The following FAM171B variants were observed in gnomAD, a reference collection of about 807,000 sequenced individuals.
FAM171B encodes protein FAM171B.
Under a neutral mutation model 75.6 loss-of-function variants are expected in FAM171B, and 19 were observed. The observed-to-expected ratio is 0.25, with a 90% CI of 0.18 to 0.37. The LOEUF is 0.37. FAM171B is among the 10% of genes least tolerant of loss of function. The probability of loss-of-function intolerance (pLI) is 1.00; values close to 1 mark genes in which losing one functional copy is unlikely to be tolerated. For missense variants in FAM171B, 848 were observed against 982.4 expected, an observed-to-expected ratio of 0.86 and a Z score of 1.83; for synonymous variants, 367 against 361.7, an observed-to-expected ratio of 1.01 and a Z score of -0.17.
In FAM171B at chr2:186,753,940, G is replaced by T; in HGVS notation, c.903G>T (p.Trp301Cys). ...TTTTACATACCTTTTTAGGTGCTTGGGTAAATCATGGTCGGGGAATGGTCA... is the reference window on the plus strand; with the variant it reads ...TTTTACATACCTTTTTAGGTGCTTGTGTAAATCATGGTCGGGGAATGGTCA... ...AWTFDMNTGA[W>C]VNHGRGMVKE... The change falls in exon 6 of 8, where the codon TGG becomes TGT. Residue 301 changes from tryptophan (W) to cysteine (C), a missense_variant. Coordinates refer to ENST00000304698, the MANE Select transcript of FAM171B (RefSeq NM_177454.4). The T allele has an allele frequency of 6.2e-7, 1 of 1,612,986 alleles. No homozygotes were observed. Among genetic ancestry groups the T allele is most frequent in the Non-Finnish European group, 8.5e-7 (1 of 1,179,382 alleles).
At chr2:186,694,785 ACACACACACC>A (rs1689555767) in intron 1 of FAM171B, among the ~76,000 whole-genome samples, 1 of 135,584 alleles carries the variant, frequency 7.4e-6, no homozygotes, top group Non-Finnish European at 1.6e-5. Context: ...ACACACACAC[ACACACACACC>A]GTTCTTAAAT....
intron 3 of FAM171B, among the ~76,000 whole-genome samples, chr2:186,744,201 C>G (rs1264317020): frequency 6.6e-6 from 1 of 152,158 alleles, no homozygotes; most frequent in Non-Finnish European, 1.5e-5. Context: ...TAGGAAACCT[C>G]TATAAATGAC....
intron 1 of FAM171B, among the ~76,000 whole-genome samples, chr2:186,713,664 A>G (rs868464956): frequency 6.6e-6 from 1 of 152,218 alleles, no homozygotes; most frequent in African/African-American, 2.4e-5. Context: ...TCACTTTAAA[A>G]AGTACATATG....
chr2:186,723,371 A>C (rs527349146), intron 1 of FAM171B, among the ~76,000 whole-genome samples: 1 of 152,366 alleles, frequency 6.6e-6, no homozygotes, highest in African/African-American at 2.4e-5. Context: ...GTAATTTATT[A>C]GAAATAGTCT....
intron 1 of FAM171B, among the ~76,000 whole-genome samples, chr2:186,717,404 A>G (rs1689889560): frequency 6.6e-6 from 1 of 152,190 alleles, no homozygotes; most frequent in Non-Finnish European, 1.5e-5. Flanking sequence ...CAAAGGGATT[A>G]AAGAATTACT....
chr2:186,743,804 C>A (rs1439836599), intron 3 of FAM171B, among the ~76,000 whole-genome samples: 4 of 152,170 alleles, frequency 2.6e-5, no homozygotes, highest in Admixed American at 2.0e-4. Context: ...GCCCCTCAAA[C>A]AGGCACACTG....
At chr2:186,695,626 G>T (rs1350692024) in intron 1 of FAM171B, among the ~76,000 whole-genome samples, 1 of 152,164 alleles carries the variant, frequency 6.6e-6, no homozygotes, top group Non-Finnish European at 1.5e-5. Context: ...TTATCAGAGT[G>T]CTCTGAGCAT....
chr2:186,702,113 T>C (rs1689670522), intron 1 of FAM171B, among the ~76,000 whole-genome samples: 1 of 152,176 alleles, frequency 6.6e-6, no homozygotes, highest in Non-Finnish European at 1.5e-5. Flanking sequence ...ACAAGGACAT[T>C]TTCTGAGAAA....
At chr2:186,717,178 T>C (rs1341509757) in intron 1 of FAM171B, among the ~76,000 whole-genome samples, 1 of 152,114 alleles carries the variant, frequency 6.6e-6, no homozygotes, top group Non-Finnish European at 1.5e-5. Context: ...CAGTGGTAAC[T>C]GAAACAATTA....
chr2:186,738,144 A>G (rs951252749), intron 1 of FAM171B, among the ~76,000 whole-genome samples: 1 of 152,150 alleles, frequency 6.6e-6, no homozygotes, highest in Admixed American at 6.5e-5. Flanking sequence ...AGCTTCCAGA[A>G]ATTTTGCAGC....
intron 1 of FAM171B, among the ~76,000 whole-genome samples, chr2:186,734,443 G>A (rs1249680273): frequency 6.6e-6 from 1 of 151,988 alleles, no homozygotes; most frequent in Non-Finnish European, 1.5e-5. Context: ...CCTCAATGGA[G>A]AGAGGATACC....
intron 1 of FAM171B, among the ~76,000 whole-genome samples, chr2:186,725,249 C>G (rs958683354): frequency 6.6e-6 from 1 of 150,852 alleles, no homozygotes; most frequent in Non-Finnish European, 1.5e-5. Flanking sequence ...GAGGCTGAAG[C>G]AGGAGAATGG....
chr2:186,727,914 C>T (rs989504739), intron 1 of FAM171B, among the ~76,000 whole-genome samples: 11 of 151,846 alleles, frequency 7.2e-5, no homozygotes, highest in Middle Eastern at 3.2e-3. Context: ...GTATACCTAC[C>T]TCTAAACTAA....
At chr2:186,760,721 A>G (rs1690601463) in intron 6 of FAM171B, among the ~76,000 whole-genome samples, 1 of 151,846 alleles carries the variant, frequency 6.6e-6, no homozygotes, top group African/African-American at 2.4e-5. Context: ...CTTATTTGCT[A>G]CTTAACATTT....
At chr2:186,751,035 C>A in intron 4 of FAM171B, 99 bp from the exon 5 acceptor site, 1 of 869,496 alleles carries the variant, frequency 1.2e-6, no homozygotes, top group Non-Finnish European at 1.7e-6. Flanking sequence ...ATAGATAACC[C>A]TTGGTGAAAT....
Position 186,694,301 on chromosome 2 carries a change from A to AGC in FAM171B, c.128_129insGC (p.Gln44HisfsTer34), listed in dbSNP as rs1198597925. The AGC allele has an allele frequency of 1.3e-6, 2 of 1,546,084 alleles. No individual in the cohort carries two copies. Among genetic ancestry groups the AGC allele is most frequent in the Non-Finnish European group, 1.7e-6 (2 of 1,153,126 alleles). On this transcript the variant is annotated frameshift_variant, in exon 1 of 8. Transcript: ENST00000304698. LOFTEE classifies it high-confidence loss of function. ...AGCCGCTCCGACCTCAGCCTCATCCAACAGCAGCAGCAGCAGCAGCAACAA... is the reference window on the plus strand; with the variant it reads ...AGCCGCTCCGACCTCAGCCTCATCCAGCACAGCAGCAGCAGCAGCAGCAACAA...
At chr2:186,730,042 A>G (rs1256103878) in intron 1 of FAM171B, among the ~76,000 whole-genome samples, 1 of 151,796 alleles carries the variant, frequency 6.6e-6, no homozygotes, top group Non-Finnish European at 1.5e-5. Context: ...CCTCACTGCA[A>G]CCTCCGCCTC....
At chr2:186,722,690 G>A (rs1689973534) in intron 1 of FAM171B, among the ~76,000 whole-genome samples, 1 of 152,258 alleles carries the variant, frequency 6.6e-6, no homozygotes. Context: ...AGAGATGATG[G>A]CCTTTGGGCT....
intron 1 of FAM171B, among the ~76,000 whole-genome samples, chr2:186,728,332 A>G (rs1289245153): frequency 6.6e-6 from 1 of 152,196 alleles, no homozygotes; most frequent in Non-Finnish European, 1.5e-5. Flanking sequence ...TTATTGTAAT[A>G]TCAGAAATTC....
Sources: gnomAD v4.1 joint callset for allele counts (sites outside exome capture counted in the v4.1 genomes callset) on GRCh38, gnomAD v4.1.1 for gene constraint, MANE v1.5 for transcripts, NCBI Gene and HGNC (gene_info 2026-07-23, HGNC 2026-07-21) for gene names.